Variants in ADAMTSL1 observed in about 807,000 individuals in gnomAD.
The protein encoded by ADAMTSL1 is ADAMTS like 1.
ADAMTSL1 carries 126 observed loss-of-function variants against 201.8 expected under a neutral mutation model. That is an observed-to-expected ratio of 0.62 (90% confidence interval 0.54 to 0.72). The LOEUF (loss-of-function observed/expected upper bound fraction) is 0.72, where lower values mean the gene tolerates loss of function less well. Ranked by LOEUF, ADAMTSL1 falls within the 30% of genes least tolerant of loss-of-function variation. The pLI is 0.00. For synonymous variants in ADAMTSL1, 1,121 were observed against 903.4 expected, an observed-to-expected ratio of 1.24 and a Z score of -4.32; for missense variants, 2,679 against 2,277.8, an observed-to-expected ratio of 1.18 and a Z score of -3.59.
At position 18,039,258 on chromosome 9, in the gene ADAMTSL1, G is replaced by A. The variant is rs551611477; in HGVS notation, c.88-124604G>A. Among the ~76,000 whole-genome samples the A allele has an allele frequency of 2.0e-5, 3 of 152,238 alleles. No individual in the cohort carries two copies. In the South Asian group the frequency reaches 6.2e-4, roughly 32 times the overall value. ...GTTTTATAATATAATGCCATTAAGG[G>A]ATTAAGATTTGAGCAAATAAATAGT... On this transcript the variant is annotated intron_variant, in intron 1 of 29. Transcript: ENST00000680146.
chr9:18,735,232 A>G (rs552597319), intron 15 of ADAMTSL1, among the ~76,000 whole-genome samples: 1 of 152,278 alleles, frequency 6.6e-6, no homozygotes, highest in South Asian at 2.1e-4. Context: ...GAAGGACCAC[A>G]TGGTTCATGC....
chr9:18,220,732 G>C (rs1468577046), intron 2 of ADAMTSL1, among the ~76,000 whole-genome samples: 2 of 151,244 alleles, frequency 1.3e-5, no homozygotes, highest in African/African-American at 2.4e-5. Context: ...CTTGCTAATG[G>C]TTTTTCAGTA....
At chr9:18,688,909 G>A (rs186566512) in intron 13 of ADAMTSL1, among the ~76,000 whole-genome samples, 2 of 151,190 alleles carry the variant, frequency 1.3e-5, no homozygotes, top group East Asian at 3.9e-4. Flanking sequence ...ACTAGAAAAG[G>A]GGGGATGGGA....
At chr9:18,462,555 C>A (rs1325600642) in intron 2 of ADAMTSL1, among the ~76,000 whole-genome samples, 1 of 152,016 alleles carries the variant, frequency 6.6e-6, no homozygotes, top group Non-Finnish European at 1.5e-5. Context: ...CAGAAAAGTC[C>A]AATTCAGGGT....
intron 3 of ADAMTSL1, among the ~76,000 whole-genome samples, chr9:18,536,323 C>A (rs1381588216): frequency 6.6e-6 from 1 of 152,100 alleles, no homozygotes; most frequent in Admixed American, 6.6e-5. Context: ...TTCTGAACTA[C>A]TTCATCTCCA....
intron 15 of ADAMTSL1, among the ~76,000 whole-genome samples, chr9:18,724,415 T>C (rs1817742780): frequency 6.6e-6 from 1 of 152,236 alleles, no homozygotes; most frequent in Non-Finnish European, 1.5e-5. Flanking sequence ...CAGAAGCACA[T>C]GTCTAACTTT....
intron 2 of ADAMTSL1, among the ~76,000 whole-genome samples, chr9:18,359,215 AG>A (rs1429518593): frequency 6.6e-6 from 1 of 152,172 alleles, no homozygotes; most frequent in East Asian, 1.9e-4. Context: ...CTTATTAAGG[AG>A]TTTTGTGTAT....
intron 5 of ADAMTSL1, among the ~76,000 whole-genome samples, chr9:18,623,137 C>G (rs1222542873): frequency 6.6e-6 from 1 of 152,100 alleles, no homozygotes; most frequent in African/African-American, 2.4e-5. Context: ...CTCAAGTGAT[C>G]CACCCGCCTC....
At chr9:18,419,342 G>A (rs1206064829) in intron 2 of ADAMTSL1, among the ~76,000 whole-genome samples, 1 of 152,036 alleles carries the variant, frequency 6.6e-6, no homozygotes, top group Non-Finnish European at 1.5e-5. Context: ...ATAAAAGATT[G>A]GTAAATCTTA....
chr9:18,442,833 G>T (rs1820049502), intron 2 of ADAMTSL1, among the ~76,000 whole-genome samples: 1 of 152,186 alleles, frequency 6.6e-6, no homozygotes, highest in East Asian at 1.9e-4. Flanking sequence ...CAAGTCATTT[G>T]GTCGGTGCTG....
chr9:18,790,859 G>T (rs1821991622), intron 19 of ADAMTSL1, among the ~76,000 whole-genome samples: 1 of 152,150 alleles, frequency 6.6e-6, no homozygotes, highest in African/African-American at 2.4e-5. Context: ...AGGAAGTCAA[G>T]GAGTATTGAT....
At chr9:18,908,161 G>A (rs544258278) in intron 28 of ADAMTSL1, 1 of 454,090 alleles carries the variant, frequency 2.2e-6, no homozygotes, top group Non-Finnish European at 4.1e-6. Context: ...GGCACCTTCA[G>A]GAAGTAGAGG....
At chr9:18,818,915 A>C (rs1300361206) in intron 21 of ADAMTSL1, among the ~76,000 whole-genome samples, 1 of 152,144 alleles carries the variant, frequency 6.6e-6, no homozygotes, top group Non-Finnish European at 1.5e-5. Context: ...GAAATCTAGA[A>C]CCAAGTCCCT....
chr9:18,904,550 A>G (rs565621854), intron 26 of ADAMTSL1, among the ~76,000 whole-genome samples: 3 of 141,848 alleles, frequency 2.1e-5, no homozygotes, highest in South Asian at 4.7e-4. Flanking sequence ...CGGGGGATCA[A>G]TTGAGCCTGG....
At chr9:18,289,339 GTACCCTCACAGA>G (rs1833158890) in intron 2 of ADAMTSL1, among the ~76,000 whole-genome samples, 1 of 152,180 alleles carries the variant, frequency 6.6e-6, no homozygotes, top group South Asian at 2.1e-4. Flanking sequence ...GGGCTAAGAA[GTACCCTCACAGA>G]TACCCAGAAT....
intron 1 of ADAMTSL1, among the ~76,000 whole-genome samples, chr9:17,961,171 A>C (rs1817739860): frequency 6.6e-6 from 1 of 152,060 alleles, no homozygotes; most frequent in Non-Finnish European, 1.5e-5. Flanking sequence ...TACTATGTGG[A>C]TTTGGACAAG....
chr9:17,959,740 G>C (rs765326189), intron 1 of ADAMTSL1, among the ~76,000 whole-genome samples: 2 of 152,212 alleles, frequency 1.3e-5, no homozygotes, highest in Non-Finnish European at 2.9e-5. Context: ...ATAGGAGCAA[G>C]CCACTGCACT....
intron 1 of ADAMTSL1, among the ~76,000 whole-genome samples, chr9:18,162,906 T>G (rs11794764): frequency 0.035 from 5,329 of 152,096 alleles, 134 homozygotes; most frequent in Non-Finnish European, 0.057. Context: ...ATGGCTGTTA[T>G]TTACTGAAAG....
chr9:18,015,943 T>G (rs529574685), intron 1 of ADAMTSL1, among the ~76,000 whole-genome samples: 2 of 152,170 alleles, frequency 1.3e-5, no homozygotes, highest in South Asian at 4.1e-4. Context: ...CTGAACATAA[T>G]AAAGATCTCT....
Sources: gnomAD v4.1 joint callset for allele counts (sites outside exome capture counted in the v4.1 genomes callset) on GRCh38, gnomAD v4.1.1 for gene constraint, MANE v1.5 for transcripts, NCBI Gene and HGNC (gene_info 2026-07-23, HGNC 2026-07-21) for gene names.